The following ABI3BP variants were observed in gnomAD, a reference collection of about 807,000 sequenced individuals.
ABI3BP encodes ABI family member 3 binding protein.
In ABI3BP, 216 loss-of-function variants were observed where a neutral mutation model predicts 268.6. The ratio of observed to expected loss-of-function variants is 0.80; its 90% CI spans 0.72 to 0.90. The LOEUF is 0.90. Among genes scored for constraint, ABI3BP ranks in the 40% least tolerant of loss-of-function variants. ABI3BP has a pLI of 0.00. For missense variants in ABI3BP, 2,090 were observed against 2,182.4 expected (o/e 0.96, Z 0.84); for synonymous variants, 730 against 730.0 (o/e 1.00, Z 0.00).
intron 40 of ABI3BP, 135 bp from the exon 41 acceptor site, chr3:100,818,716 C>A: frequency 1.3e-6 from 1 of 745,432 alleles, no homozygotes; most frequent in Non-Finnish European, 2.2e-6. Flanking sequence ...AAGACTTGGC[C>A]ATCTTATAGC....
rs753389582 is a variant in ABI3BP, at chr3:100,770,753, G to A, written c.4731C>T (p.Asp1577=). The change falls in exon 62 of 68, where the codon GAC becomes GAT. Residue 1577 remains aspartate, a synonymous_variant. Coordinates refer to ENST00000471714, the MANE Select transcript of ABI3BP (RefSeq NM_001375547.2). ...ATGCCATGATCTTACCAGTGACAGT[G>A]TCATTTAGTGGCTTTTCCCAGTCCA... is the stretch of plus-strand genomic sequence containing the variant. ...VILDWEKPLN[D]TVTEYEVISR... The A allele has an allele frequency of 4.7e-6, 7 of 1,501,946 alleles. No homozygotes were observed. Among genetic ancestry groups the A allele is most frequent in the Non-Finnish European group, 5.3e-6 (6 of 1,122,442 alleles). 93.0% of individuals were successfully genotyped at this position (1,501,946 alleles called of 1,614,324 possible). A position where few individuals can be genotyped will look rare whatever the true frequency, so the allele number is the denominator to read the frequency against.
At chr3:100,972,057 C>T (rs2083856998) in intron 1 of ABI3BP, among the ~76,000 whole-genome samples, 1 of 151,934 alleles carries the variant, frequency 6.6e-6, no homozygotes, top group Admixed American at 6.6e-5. Context: ...TGGATTCTCA[C>T]GAACACATAT....
At chr3:100,933,112 A>C (rs1424305814) in intron 1 of ABI3BP, among the ~76,000 whole-genome samples, 1 of 152,026 alleles carries the variant, frequency 6.6e-6, no homozygotes, top group Non-Finnish European at 1.5e-5. Context: ...TCAAGAGAAA[A>C]GCTGCAAAAT....
Position 100,815,982 on chromosome 3 carries a change from G to A in ABI3BP, c.3230-11C>T. On this transcript the variant is annotated splice_polypyrimidine_tract_variant and intron_variant, in intron 43 of 67. Coordinates refer to ENST00000471714, the MANE Select transcript of ABI3BP (RefSeq NM_001375547.2). ...AGCCTGTAACAGAAACTAACCAAAAGCAACAACATGAATACAAGAAAGCTT... is the reference window on the plus strand; with the variant it reads ...AGCCTGTAACAGAAACTAACCAAAAACAACAACATGAATACAAGAAAGCTT... 8 of 1,502,056 alleles carry A rather than the reference G, an allele frequency of 5.3e-6. No individual in the cohort carries two copies. Among genetic ancestry groups the A allele is most frequent in the Non-Finnish European group, 7.1e-6 (8 of 1,132,568 alleles). The allele number at this position is 1,502,056 out of a possible 1,614,324, so 93.0% of individuals were successfully genotyped here.
intron 27 of ABI3BP, 27 bp from the exon 28 acceptor site, chr3:100,835,687 T>A: frequency 6.6e-7 from 1 of 1,503,986 alleles, no homozygotes; most frequent in African/African-American, 1.4e-5. Flanking sequence ...CAATAAACAA[T>A]GGAGATTAAG....
chr3:100,834,917 T>G, intron 28 of ABI3BP, 144 bp from the exon 29 acceptor site: 1 of 683,820 alleles, frequency 1.5e-6, no homozygotes. Flanking sequence ...ATCATCTATA[T>G]GCAAAAATAT....
chr3:100,840,154 C>G lies in ABI3BP; in HGVS notation c.1815G>C (p.Lys605Asn). The G allele has an allele frequency of 6.5e-7, 1 of 1,531,622 alleles. No homozygotes were observed. 94.9% of individuals were successfully genotyped at this position (1,531,622 alleles called of 1,614,324 possible). ...TKPSTTLAPR[K>N]TKRPGRRPRP... ...GGGGGCGACGACCTGGTCTTTTGGT[C>G]TTTCGTGGTGCTGAAGAAAGAAAAT... Residue 605 changes from lysine to asparagine, a missense_variant, in exon 23 of 68, where the codon AAG (lysine) becomes AAC (asparagine). Lys to Asn is a moderately conservative substitution (Grantham distance 94). Transcript: ENST00000471714.
chr3:100,776,619 T>C lies in ABI3BP; in HGVS notation c.4334-1284A>G, dbSNP rs1004223046. 2.6e-5 allele frequency among the ~76,000 whole-genome samples: 4 copies of C among 152,142 alleles called. No individual in the cohort carries two copies. In the East Asian group the frequency reaches 5.8e-4, roughly 22 times the overall value. ...ATTCAAGATACACTTTCTGTGATGC[T>C]AATCAGGCCAAATCTGTACCAGTGC... On this transcript the variant is annotated intron_variant, in intron 59 of 67. Coordinates refer to ENST00000471714, the MANE Select transcript of ABI3BP (RefSeq NM_001375547.2).
intron 1 of ABI3BP, among the ~76,000 whole-genome samples, chr3:100,945,103 C>T (rs1236737071): frequency 6.6e-6 from 1 of 152,140 alleles, no homozygotes; most frequent in Non-Finnish European, 1.5e-5. Context: ...AAAAGTGTCT[C>T]TAACATCTCA....
At chr3:100,764,300 A>G (rs1368839096) in intron 63 of ABI3BP, among the ~76,000 whole-genome samples, 5 of 152,212 alleles carry the variant, frequency 3.3e-5, no homozygotes, top group African/African-American at 1.2e-4. Flanking sequence ...GGCATGCTTC[A>G]TTCAGAGTTC....
At chr3:100,858,097 G>T (rs960291391) in intron 14 of ABI3BP, among the ~76,000 whole-genome samples, 5 of 152,138 alleles carry the variant, frequency 3.3e-5, no homozygotes, top group Admixed American at 3.3e-4. Flanking sequence ...GTGAAATATT[G>T]TCACAAGCAG....
chr3:100,768,208 C>A (rs1057207775), intron 62 of ABI3BP, among the ~76,000 whole-genome samples: 9 of 151,678 alleles, frequency 5.9e-5, no homozygotes, highest in African/African-American at 1.2e-4. Flanking sequence ...CCTGCCTCAG[C>A]CTCCGGAGTA....
chr3:100,793,218 A>T (rs1416672292), intron 54 of ABI3BP, among the ~76,000 whole-genome samples: 2 of 151,994 alleles, frequency 1.3e-5, no homozygotes, highest in African/African-American at 4.8e-5. Flanking sequence ...TATTTTTCTC[A>T]TGTGAAAATC....
chr3:100,820,821 A>G (rs1029852761), intron 39 of ABI3BP, among the ~76,000 whole-genome samples: 2 of 152,236 alleles, frequency 1.3e-5, no homozygotes, highest in African/African-American at 2.4e-5. Context: ...ATAATTTCAG[A>G]TGGTTACATA....
At chr3:100,882,120 A>G (rs2039596015) in intron 6 of ABI3BP, among the ~76,000 whole-genome samples, 1 of 152,168 alleles carries the variant, frequency 6.6e-6, no homozygotes, top group Non-Finnish European at 1.5e-5. Flanking sequence ...TGCTGCTTCT[A>G]AGGTTTCAGG....
intron 8 of ABI3BP, 79 bp downstream of exon 8, chr3:100,875,429 G>A: frequency 9.0e-7 from 1 of 1,105,278 alleles, no homozygotes; most frequent in South Asian, 1.3e-5. Flanking sequence ...TACTCACACT[G>A]CAAAACTCCA....
At chr3:100,835,899 AT>A (rs565142458) in intron 27 of ABI3BP, among the ~76,000 whole-genome samples, 119 of 152,286 alleles carry the variant, frequency 7.8e-4, no homozygotes, top group African/African-American at 2.5e-3. Context: ...TCATTATCTG[AT>A]TCCAACAACA....
At chr3:100,992,908 C>T (rs41273569) in intron 1 of ABI3BP, among the ~76,000 whole-genome samples, 26,069 of 152,140 alleles carry the variant, frequency 0.17, 2,529 homozygotes, top group East Asian at 0.44. Flanking sequence ...GTTTCAGAAC[C>T]AGCTTCTTTT....
intron 1 of ABI3BP, among the ~76,000 whole-genome samples, chr3:100,976,702 C>T (rs1223467821): frequency 6.6e-6 from 1 of 152,168 alleles, no homozygotes; most frequent in Non-Finnish European, 1.5e-5. Flanking sequence ...TAAGCTAAGA[C>T]CAAGGAGATG....
Sources: allele counts gnomAD v4.1 joint callset (sites outside exome capture counted in the v4.1 genomes callset), GRCh38; gene constraint gnomAD v4.1.1; transcripts MANE v1.5; gene names NCBI Gene and HGNC (gene_info 2026-07-23, HGNC 2026-07-21).